The following ZBTB20 variants were observed in gnomAD, a reference collection of about 807,000 sequenced individuals.
ZBTB20 encodes the protein zinc finger and BTB domain-containing protein 20.
A neutral mutation model predicts 56.9 loss-of-function variants in ZBTB20; 9 were observed. That is an observed-to-expected ratio of 0.16 (90% CI 0.10 to 0.28). The LOEUF (loss-of-function observed/expected upper bound fraction) is 0.28, where lower values mean the gene tolerates loss of function less well. Ranked by LOEUF, ZBTB20 falls within the 10% of genes least tolerant of loss-of-function variation. The pLI is 1.00. For synonymous variants in ZBTB20, 417 were observed against 420.7 expected (o/e 0.99, Z 0.11); for missense variants, 655 against 1,003.0 (o/e 0.65, Z 4.69).
chr3:115,104,524 T>C (rs1639572514), intron 1 of ZBTB20, among the ~76,000 whole-genome samples: 1 of 152,158 alleles, frequency 6.6e-6, no homozygotes, highest in Admixed American at 6.5e-5. Context: ...CGAAATGAGA[T>C]ATCAAGCCAT....
chr3:114,952,214 A>G (rs1388464797), intron 3 of ZBTB20, among the ~76,000 whole-genome samples: 2 of 152,064 alleles, frequency 1.3e-5, no homozygotes, highest in Admixed American at 6.6e-5. Flanking sequence ...GACCTTTAAG[A>G]GGTAAGTAAG....
At chr3:114,903,644 T>G (rs1230173658) in intron 3 of ZBTB20, among the ~76,000 whole-genome samples, 2 of 152,060 alleles carry the variant, frequency 1.3e-5, no homozygotes, top group Admixed American at 1.3e-4. Context: ...AAATAATACG[T>G]GCAGCAACAC....
At chr3:115,061,795 A>G (rs1484588793) in intron 2 of ZBTB20, among the ~76,000 whole-genome samples, 1 of 152,244 alleles carries the variant, frequency 6.6e-6, no homozygotes, top group Non-Finnish European at 1.5e-5. Flanking sequence ...TATCCTTAAA[A>G]ACAATAAAAT....
At chr3:114,692,975 C>A (rs1472461871) in intron 6 of ZBTB20, among the ~76,000 whole-genome samples, 2 of 152,054 alleles carry the variant, frequency 1.3e-5, no homozygotes, top group Non-Finnish European at 2.9e-5. Context: ...CAAGAGCAAC[C>A]ATGTCTAATT....
At chr3:115,112,213 G>T (rs948708298) in intron 1 of ZBTB20, among the ~76,000 whole-genome samples, 1 of 151,886 alleles carries the variant, frequency 6.6e-6, no homozygotes, top group African/African-American at 2.4e-5. Flanking sequence ...TATTTATGGG[G>T]TATATGTGAT....
At chr3:114,456,406 C>G (rs528808297) in intron 7 of ZBTB20, among the ~76,000 whole-genome samples, 2 of 152,086 alleles carry the variant, frequency 1.3e-5, no homozygotes, top group African/African-American at 2.4e-5. Context: ...ATTTACAATT[C>G]GCTCTATGAA....
At chr3:114,356,929 G>A (rs2081315729) in intron 10 of ZBTB20, among the ~76,000 whole-genome samples, 1 of 152,116 alleles carries the variant, frequency 6.6e-6, no homozygotes, top group Non-Finnish European at 1.5e-5. Flanking sequence ...TTGGGAGGTG[G>A]CTGGGAGCAC....
At chr3:114,423,215 A>T (rs1275125869) in intron 7 of ZBTB20, among the ~76,000 whole-genome samples, 1 of 152,176 alleles carries the variant, frequency 6.6e-6, no homozygotes, top group African/African-American at 2.4e-5. Context: ...AATTTTGTAC[A>T]ATGGTACCTA....
chr3:114,491,748 C>G (rs1160693293), intron 7 of ZBTB20, among the ~76,000 whole-genome samples: 2 of 152,146 alleles, frequency 1.3e-5, no homozygotes, highest in African/African-American at 4.8e-5. Context: ...TTCCAACCTT[C>G]TTTTGACCTC....
At chr3:114,870,249 G>A (rs1050510942) in intron 4 of ZBTB20, among the ~76,000 whole-genome samples, 2 of 151,998 alleles carry the variant, frequency 1.3e-5, no homozygotes, top group Non-Finnish European at 2.9e-5. Flanking sequence ...TGTCTGAAAA[G>A]TAGAGGTCTT....
At chr3:114,959,643 G>C (rs1320255432) in intron 3 of ZBTB20, among the ~76,000 whole-genome samples, 1 of 151,360 alleles carries the variant, frequency 6.6e-6, no homozygotes, top group East Asian at 1.9e-4. Context: ...AATTCAAACA[G>C]TAGTTGTTCT....
intron 6 of ZBTB20, chr3:114,688,462 C>A (rs1265113753): frequency 6.6e-6 from 1 of 150,758 alleles, no homozygotes; most frequent in Non-Finnish European, 1.5e-5. Flanking sequence ...TGGATTTATT[C>A]TTCTCCTCTA....
intron 4 of ZBTB20, among the ~76,000 whole-genome samples, chr3:114,885,218 C>G (rs868615795): frequency 6.6e-6 from 1 of 152,192 alleles, no homozygotes; most frequent in South Asian, 2.1e-4. Context: ...CACAGCTACT[C>G]TAATACACAC....
intron 6 of ZBTB20, among the ~76,000 whole-genome samples, chr3:114,528,395 T>C (rs1161764061): frequency 6.6e-6 from 1 of 152,072 alleles, no homozygotes; most frequent in Non-Finnish European, 1.5e-5. Context: ...GTGAAATGTC[T>C]ACATGAGACA....
intron 7 of ZBTB20, among the ~76,000 whole-genome samples, chr3:114,486,214 A>T (rs1404441280): frequency 7.3e-6 from 1 of 137,022 alleles, no homozygotes; most frequent in Non-Finnish European, 1.6e-5. Flanking sequence ...GTTATCCTAC[A>T]TGTCTAAAAC....
intron 6 of ZBTB20, among the ~76,000 whole-genome samples, chr3:114,548,546 T>A (rs1290405437): frequency 6.6e-6 from 1 of 151,184 alleles, no homozygotes; most frequent in East Asian, 1.9e-4. Flanking sequence ...TGAGACAGAG[T>A]CTCACTGTGT....
At chr3:114,783,004 G>A (rs1312236216) in intron 5 of ZBTB20, among the ~76,000 whole-genome samples, 4 of 152,056 alleles carry the variant, frequency 2.6e-5, no homozygotes, top group African/African-American at 9.7e-5. Context: ...ATTTATTCAT[G>A]AATATTCATT....
At chr3:114,430,759 C>T (rs2090059712) in intron 7 of ZBTB20, among the ~76,000 whole-genome samples, 1 of 152,132 alleles carries the variant, frequency 6.6e-6, no homozygotes, top group Non-Finnish European at 1.5e-5. Context: ...GAACATCATG[C>T]ACTGCTCCTA....
chr3:115,038,344 T>G (rs1471332393), intron 2 of ZBTB20, among the ~76,000 whole-genome samples: 1 of 152,204 alleles, frequency 6.6e-6, no homozygotes, highest in Admixed American at 6.5e-5. Flanking sequence ...TGTATGTATG[T>G]ATAATAACAT....
Sources: allele counts gnomAD v4.1 joint callset (sites outside exome capture counted in the v4.1 genomes callset), GRCh38; gene constraint gnomAD v4.1.1; transcripts MANE v1.5; gene names NCBI Gene and HGNC (gene_info 2026-07-23, HGNC 2026-07-21).